The following DNAH17 variants were observed in gnomAD, a reference collection of about 807,000 sequenced individuals.
DNAH17 encodes the protein axonemal beta dynein heavy chain 17.
DNAH17 carries 376 observed loss-of-function variants against 485.6 expected under a neutral mutation model. The observed-to-expected ratio is 0.77, with a 90% CI of 0.71 to 0.84. The LOEUF (loss-of-function observed/expected upper bound fraction) is 0.84. Among genes scored for constraint, DNAH17 ranks in the 40% least tolerant of loss-of-function variants. The probability of loss-of-function intolerance (pLI) is 0.00; values close to 1 mark genes in which losing one functional copy is unlikely to be tolerated. For synonymous variants in DNAH17, 3,031 were observed against 2,405.9 expected (o/e 1.26, Z -7.60); for missense variants, 6,370 against 5,839.3 (o/e 1.09, Z -2.96).
intron 16 of DNAH17, among the ~76,000 whole-genome samples, chr17:78,551,243 G>C (rs1012775288): frequency 2.0e-5 from 3 of 152,188 alleles, no homozygotes; most frequent in Non-Finnish European, 4.4e-5. Flanking sequence ...TCCCAGTGGG[G>C]GTGAGTCTTG....
chr17:78,476,972 G>C (rs560313398), intron 51 of DNAH17, among the ~76,000 whole-genome samples: 4 of 152,288 alleles, frequency 2.6e-5, no homozygotes, highest in African/African-American at 9.6e-5. Context: ...GACAGGGTTG[G>C]GGCCTCATCC....
At chr17:78,540,134 C>A (rs2091482157) in intron 17 of DNAH17, among the ~76,000 whole-genome samples, 1 of 152,058 alleles carries the variant, frequency 6.6e-6, no homozygotes, top group African/African-American at 2.4e-5. Context: ...AAGGAATCCT[C>A]CATCTCTAGT....
chr17:78,423,991 G>T lies in DNAH17; in HGVS notation c.13304C>A (p.Thr4435Asn). The change falls in exon 81 of 81, where the codon ACC becomes AAC. Residue 4435 changes from threonine to asparagine, a missense_variant. Transcript: ENST00000389840. Reference sequence around the variant, plus strand: ...CTTCAAGTTAAAGGTCCAGACATAGGTGGGGCCGCGGATGCGTGTTTTGTA... The same window carrying T: ...CTTCAAGTTAAAGGTCCAGACATAGTTGGGGCCGCGGATGCGTGTTTTGTA... ...PVYKTRIRGP[T>N]YVWTFNLKTK... The T allele has an allele frequency of 6.2e-7, 1 of 1,614,034 alleles. No homozygotes were observed. Among genetic ancestry groups the T allele is most frequent in the Non-Finnish European group, 8.5e-7 (1 of 1,179,898 alleles).
At chr17:78,431,736 A>C (rs2086683393) in intron 75 of DNAH17, among the ~76,000 whole-genome samples, 2 of 152,120 alleles carry the variant, frequency 1.3e-5, no homozygotes, top group South Asian at 4.1e-4. Context: ...GACAGAGGGA[A>C]GGTTGGCCAG....
rs948404839 is a variant in DNAH17, at chr17:78,500,140, A to AG, written c.5640+164dup. 15 of 731,638 alleles carry AG rather than the reference A, an allele frequency of 2.1e-5. No individual in the cohort carries two copies. In the African/African-American group the frequency reaches 2.7e-4, roughly 13 times the overall value. 45.3% of individuals were successfully genotyped at this position (731,638 alleles called of 1,614,324 possible). A position where few individuals can be genotyped will look rare whatever the true frequency, so the allele number is the denominator to read the frequency against. On this transcript the variant is annotated intron_variant, in intron 36 of 80. Transcript: ENST00000389840. The stretch of plus-strand genomic sequence containing the variant: ...GAAGTCTTTCCAGAGGGACCACCTG[A>AG]GGGGGATGCTACCAGCAAGTGGGGG...
At chr17:78,494,246 G>C (rs1481546285) in intron 40 of DNAH17, 73 bp from the exon 41 acceptor site, 9 of 1,556,378 alleles carry the variant, frequency 5.8e-6, no homozygotes, top group Admixed American at 3.6e-5. Flanking sequence ...AGGCTGGGGG[G>C]CTTCCTGCCC....
chr17:78,531,233 G>C (rs573405103), intron 20 of DNAH17, among the ~76,000 whole-genome samples: 11 of 151,952 alleles, frequency 7.2e-5, no homozygotes, highest in Admixed American at 7.2e-4. Flanking sequence ...GGTGCTGGGC[G>C]CATAGATATG....
chr17:78,511,645 A>G (rs2090638872), intron 26 of DNAH17, among the ~76,000 whole-genome samples: 1 of 152,184 alleles, frequency 6.6e-6, no homozygotes, highest in Admixed American at 6.5e-5. Flanking sequence ...CTTGTCTAAT[A>G]TTCTTTTTGG....
In DNAH17 at chr17:78,484,714, C is replaced by G. The variant is rs533939748; in HGVS notation, c.7649+154G>C. On this transcript the variant is annotated intron_variant, in intron 48 of 80. Transcript: ENST00000389840. ...CAAACTTGGGGGCCCAGCTACGACCCGTGTCTCCCTACCCACGTTGCAGCA... is the reference window on the plus strand; with the variant it reads ...CAAACTTGGGGGCCCAGCTACGACCGGTGTCTCCCTACCCACGTTGCAGCA... 5 of 443,244 alleles carry G rather than the reference C, an allele frequency of 1.1e-5. No homozygotes were observed. The South Asian group carries it at 1.8e-4, about 16-fold the overall frequency. 27.5% of individuals were successfully genotyped at this position (443,244 alleles called of 1,614,324 possible).
chr17:78,540,539 A>G (rs1204307407), intron 17 of DNAH17, among the ~76,000 whole-genome samples: 1 of 982 alleles, frequency 1.0e-3, no homozygotes, highest in Non-Finnish European at 1.8e-3. Context: ...GGATGGGTGG[A>G]TGGGTGGGTG....
At chr17:78,527,085 T>C in intron 22 of DNAH17, 89 bp from the exon 23 acceptor site, 1 of 1,195,678 alleles carries the variant, frequency 8.4e-7, no homozygotes, top group Non-Finnish European at 1.2e-6. Flanking sequence ...GGTAAGAAGC[T>C]GCAAAAACAG....
At chr17:78,466,396 C>G (rs1448734168) in intron 56 of DNAH17, among the ~76,000 whole-genome samples, 2 of 151,842 alleles carry the variant, frequency 1.3e-5, no homozygotes, top group Non-Finnish European at 2.9e-5. Flanking sequence ...TATGACCCTG[C>G]CAAGTCCCCC....
chr17:78,517,324 G>A (rs1327646594), intron 25 of DNAH17, among the ~76,000 whole-genome samples: 1 of 152,226 alleles, frequency 6.6e-6, no homozygotes, highest in Non-Finnish European at 1.5e-5. Context: ...GATTACAGGC[G>A]TGAGCCACCG....
At chr17:78,434,836 G>A (rs1263843891) in intron 74 of DNAH17, among the ~76,000 whole-genome samples, 1 of 152,240 alleles carries the variant, frequency 6.6e-6, no homozygotes, top group African/African-American at 2.4e-5. Flanking sequence ...TGGAAGCCAA[G>A]CTGTGCTCCA....
intron 77 of DNAH17, among the ~76,000 whole-genome samples, chr17:78,427,372 G>A (rs1446211954): frequency 6.6e-6 from 1 of 152,192 alleles, no homozygotes; most frequent in Admixed American, 6.5e-5. Flanking sequence ...CACCTGGCTC[G>A]GTGCCTCATT....
In DNAH17 at chr17:78,434,225, G is replaced by A; in HGVS notation, c.12034-5C>T. Reference sequence around the variant, plus strand: ...GGTGCACATCTCCAGGGTGTCCTGTGGGGCACACGCTCCGGTCAGGTATTA... The same window carrying A: ...GGTGCACATCTCCAGGGTGTCCTGTAGGGCACACGCTCCGGTCAGGTATTA... On this transcript the variant is annotated splice_region_variant and splice_polypyrimidine_tract_variant and intron_variant, in intron 74 of 80. Coordinates refer to ENST00000389840, the MANE Select transcript of DNAH17 (RefSeq NM_173628.4). 6.2e-7 allele frequency: 1 copy of A among 1,600,308 alleles called. No homozygotes were observed. Among genetic ancestry groups the A allele is most frequent in the Non-Finnish European group, 8.5e-7 (1 of 1,169,754 alleles).
At chr17:78,438,972 C>T (rs2086963017) in intron 73 of DNAH17, 118 bp downstream of exon 73, 1 of 1,412,404 alleles carries the variant, frequency 7.1e-7, no homozygotes, top group Non-Finnish European at 9.4e-7. Context: ...GTTAGGATTT[C>T]CACCCACATT....
intron 22 of DNAH17, among the ~76,000 whole-genome samples, chr17:78,528,113 C>T (rs372511764): frequency 7.2e-5 from 11 of 152,222 alleles, no homozygotes; most frequent in African/African-American, 2.6e-4. Context: ...AATCCCAGCC[C>T]ATGAACTTTT....
At chr17:78,513,775 G>A (rs1301656142) in intron 26 of DNAH17, among the ~76,000 whole-genome samples, 1 of 152,116 alleles carries the variant, frequency 6.6e-6, no homozygotes, top group African/African-American at 2.4e-5. Flanking sequence ...CTAATTTACA[G>A]GAGCCCCAGC....
Sources: allele counts gnomAD v4.1 joint callset (sites outside exome capture counted in the v4.1 genomes callset), GRCh38; gene constraint gnomAD v4.1.1; transcripts MANE v1.5; gene names NCBI Gene and HGNC (gene_info 2026-07-23, HGNC 2026-07-21).